The following ADAMTSL1 variants were observed in gnomAD, a reference collection of about 807,000 sequenced individuals.
The protein encoded by ADAMTSL1 is ADAMTS-like protein 1.
In ADAMTSL1, 126 loss-of-function variants were observed where a neutral mutation model predicts 201.8. The observed-to-expected ratio is 0.62, with a 90% CI of 0.54 to 0.72. The LOEUF (loss-of-function observed/expected upper bound fraction) is 0.72, where lower values mean the gene tolerates loss of function less well. Among genes scored for constraint, ADAMTSL1 ranks in the 30% least tolerant of loss-of-function variants. The pLI is 0.00. For synonymous variants in ADAMTSL1, 1,121 were observed against 903.4 expected (o/e 1.24, Z -4.32); for missense variants, 2,679 against 2,277.8 (o/e 1.18, Z -3.59).
chr9:18,844,585 T>G (rs1271759091), intron 23 of ADAMTSL1, among the ~76,000 whole-genome samples: 1 of 152,222 alleles, frequency 6.6e-6, no homozygotes, highest in Non-Finnish European at 1.5e-5. Flanking sequence ...ACAGGGACAC[T>G]TAAGTCTGCA....
chr9:18,306,314 C>G (rs1457940979), intron 2 of ADAMTSL1, among the ~76,000 whole-genome samples: 1 of 152,138 alleles, frequency 6.6e-6, no homozygotes. Flanking sequence ...TCCTCACCAG[C>G]AAGGGAACAA....
intron 2 of ADAMTSL1, among the ~76,000 whole-genome samples, chr9:18,255,840 C>T (rs758161838): frequency 6.6e-6 from 1 of 152,188 alleles, no homozygotes; most frequent in African/African-American, 2.4e-5. Context: ...TTTCCATCTA[C>T]CCTCTTTGTC....
chr9:17,930,384 A>G (rs1279065119), intron 1 of ADAMTSL1, among the ~76,000 whole-genome samples: 1 of 152,024 alleles, frequency 6.6e-6, no homozygotes, highest in Non-Finnish European at 1.5e-5. Context: ...GGAATGCATC[A>G]CTTCTGCCCA....
intron 7 of ADAMTSL1, among the ~76,000 whole-genome samples, chr9:18,652,076 G>C (rs1407852078): frequency 6.6e-6 from 1 of 151,982 alleles, no homozygotes; most frequent in Non-Finnish European, 1.5e-5. Context: ...ACTAAAGAAA[G>C]AAAGACACAT....
Position 18,772,460 on chromosome 9 carries a change from C to A in ADAMTSL1, c.2397+1679C>A, listed in dbSNP as rs148386556. On this transcript the variant is annotated intron_variant, in intron 17 of 28. Coordinates refer to ENST00000380548, the MANE Select transcript of ADAMTSL1 (RefSeq NM_001040272.6). ...CATTGGTCCCATTAAGTACAGTAGG[C>A]CTTCAGAACAGTATCATGTGTTGTT... is the stretch of plus-strand genomic sequence containing the variant. Among the ~76,000 whole-genome samples, 224 of 152,206 alleles carry A rather than the reference C, an allele frequency of 1.5e-3. 1 individual carries two copies. Among genetic ancestry groups the A allele is most frequent in the African/African-American group, 5.1e-3 (211 of 41,520 alleles).
chr9:18,154,271 A>G (rs1209319977), intron 1 of ADAMTSL1, among the ~76,000 whole-genome samples: 1 of 152,058 alleles, frequency 6.6e-6, no homozygotes, highest in African/African-American at 2.4e-5. Context: ...AAACAGTATT[A>G]TCATTATGTC....
chr9:18,537,835 C>G (rs888002084), intron 3 of ADAMTSL1, among the ~76,000 whole-genome samples: 2 of 146,712 alleles, frequency 1.4e-5, no homozygotes, highest in African/African-American at 5.1e-5. Context: ...GTTTACACCA[C>G]TGCACTCAAG....
chr9:18,525,360 C>G (rs923056412), intron 2 of ADAMTSL1, among the ~76,000 whole-genome samples: 1 of 152,112 alleles, frequency 6.6e-6, no homozygotes, highest in African/African-American at 2.4e-5. Context: ...TGCTAGTGGT[C>G]TATCAATTTT....
chr9:18,290,788 T>TGG lies in ADAMTSL1; in HGVS notation c.207+126807_207+126808insGG, dbSNP rs1449553940. Among the ~76,000 whole-genome samples the TGG allele has an allele frequency of 7.9e-4, 34 of 43,178 alleles. 1 individual carries two copies. In the East Asian group the frequency reaches 0.039, roughly 50 times the overall value. 28.3% of individuals were successfully genotyped at this position (43,178 alleles called of 152,430 possible). The stretch of plus-strand genomic sequence containing the variant: ...AGCTGGCTTTTTTTGTGTGTTTTTT[T>TGG]TTTTTTTTTTTGAGGCAGAGTCTCG... On this transcript the variant is annotated intron_variant, in intron 2 of 29. Transcript: ENST00000680146.
At chr9:18,796,127 T>C (rs367896954) in intron 20 of ADAMTSL1, among the ~76,000 whole-genome samples, 16 of 152,300 alleles carry the variant, frequency 1.1e-4, no homozygotes, top group Admixed American at 2.6e-4. Flanking sequence ...ATGTCTCCCA[T>C]AGTTGTGGTC....
intron 14 of ADAMTSL1, among the ~76,000 whole-genome samples, chr9:18,709,282 C>T (rs780181809): frequency 2.4e-4 from 36 of 152,192 alleles, no homozygotes; most frequent in Non-Finnish European, 4.1e-4. Context: ...AGTCTTTGTT[C>T]GACAGTAACA....
At chr9:18,538,597 A>C (rs903296204) in intron 3 of ADAMTSL1, among the ~76,000 whole-genome samples, 2 of 152,150 alleles carry the variant, frequency 1.3e-5, no homozygotes, top group South Asian at 2.1e-4. Context: ...CAAGGGATAA[A>C]GTAGAGTCAG....
At chr9:18,210,426 TA>T (rs1299446451) in intron 2 of ADAMTSL1, among the ~76,000 whole-genome samples, 1 of 145,844 alleles carries the variant, frequency 6.9e-6, no homozygotes, top group African/African-American at 2.5e-5. Flanking sequence ...TATATATTAA[TA>T]AATATATTAT....
chr9:18,304,738 T>C (rs1022786241), intron 2 of ADAMTSL1, among the ~76,000 whole-genome samples: 6 of 152,146 alleles, frequency 3.9e-5, no homozygotes, highest in Admixed American at 2.0e-4. Context: ...ATAGTATCTT[T>C]GTTACTTGTA....
At chr9:18,573,444 T>G (rs1427517708) in intron 3 of ADAMTSL1, 1 of 156,262 alleles carries the variant, frequency 6.4e-6, no homozygotes, top group East Asian at 1.9e-4. Flanking sequence ...CCATGCTGCC[T>G]TAAGCCAAAG....
chr9:18,218,027 G>A (rs1414286215), intron 2 of ADAMTSL1, among the ~76,000 whole-genome samples: 2 of 152,088 alleles, frequency 1.3e-5, no homozygotes, highest in Non-Finnish European at 2.9e-5. Flanking sequence ...TGATGTGGAA[G>A]CAGGAATATA....
At chr9:18,122,266 A>G (rs1462902535) in intron 1 of ADAMTSL1, among the ~76,000 whole-genome samples, 3 of 152,202 alleles carry the variant, frequency 2.0e-5, no homozygotes, top group East Asian at 1.9e-4. Flanking sequence ...GAAACAACCT[A>G]CATATCCATG....
At chr9:18,887,782 G>T in intron 23 of ADAMTSL1, 49 bp from the exon 24 acceptor site, 1 of 1,514,164 alleles carries the variant, frequency 6.6e-7, no homozygotes, top group South Asian at 1.2e-5. Flanking sequence ...CACCAGCAAT[G>T]TGTTCCTTAT....
intron 1 of ADAMTSL1, among the ~76,000 whole-genome samples, chr9:18,033,492 A>C (rs1022733452): frequency 6.6e-6 from 1 of 152,226 alleles, no homozygotes; most frequent in African/African-American, 2.4e-5. Context: ...CTAGTTGTCC[A>C]AAGTCAGCTT....
Sources: allele counts gnomAD v4.1 joint callset (sites outside exome capture counted in the v4.1 genomes callset), GRCh38; gene constraint gnomAD v4.1.1; transcripts MANE v1.5; gene names NCBI Gene and HGNC (gene_info 2026-07-23, HGNC 2026-07-21).